PPP4R3B: variants seen among roughly 807,000 people sequenced by gnomAD.
PPP4R3B encodes the protein serine/threonine-protein phosphatase 4 regulatory subunit 3B.
A neutral mutation model predicts 95.4 loss-of-function variants in PPP4R3B; 52 were observed. That is an observed-to-expected ratio of 0.54 (90% CI 0.44 to 0.69). The LOEUF (loss-of-function observed/expected upper bound fraction) is 0.69. Among genes scored for constraint, PPP4R3B ranks in the 30% least tolerant of loss-of-function variants. The probability of loss-of-function intolerance (pLI) is 0.00; values close to 1 mark genes in which losing one functional copy is unlikely to be tolerated. For synonymous variants in PPP4R3B, 407 were observed against 343.9 expected (o/e 1.18, Z -2.03); for missense variants, 1,003 against 1,005.9 (o/e 1.00, Z 0.04).
At chr2:55,581,786 G>A in intron 7 of PPP4R3B, 88 bp from the exon 8 acceptor site, 1 of 1,408,628 alleles carries the variant, frequency 7.1e-7, no homozygotes, top group Non-Finnish European at 9.5e-7. Flanking sequence ...AGAGCAAAGT[G>A]AGAATTATAT....
chr2:55,566,074 A>AT (rs974044360), intron 13 of PPP4R3B, among the ~76,000 whole-genome samples: 3 of 152,166 alleles, frequency 2.0e-5, no homozygotes, highest in Non-Finnish European at 4.4e-5. Flanking sequence ...CAGTAGGCTT[A>AT]TTTTAAAAAA....
At chr2:55,594,705 CTCCTAAGATTATTAAA>C in intron 4 of PPP4R3B, among the ~76,000 whole-genome samples, 1 of 152,284 alleles carries the variant, frequency 6.6e-6, no homozygotes, top group Middle Eastern at 3.4e-3. Flanking sequence ...TCTGTCCAAT[CTCCTAAGATTATTAAA>C]TGTTTTTCTG....
chr2:55,604,869 C>G (rs918529416), intron 2 of PPP4R3B, among the ~76,000 whole-genome samples: 1 of 152,028 alleles, frequency 6.6e-6, no homozygotes, highest in Admixed American at 6.6e-5. Context: ...GAGACAGGGT[C>G]TTGCTCTGTG....
Position 55,564,319 on chromosome 2 carries a change from T to C in PPP4R3B, c.2254A>G (p.Lys752Glu). The C allele has an allele frequency of 1.2e-6, 2 of 1,610,876 alleles. No homozygotes were observed. Among genetic ancestry groups the C allele is most frequent in the South Asian group, 1.1e-5 (1 of 90,360 alleles). ...PDNYEKFMET[K>E]KAKESEDKEN... ...AAATTCCGAATTTTAATACCTTTTT[T>C]AGTCTCCATAAACTTTTCATAATTA... The change falls in exon 15 of 17, where the codon AAA becomes GAA. Residue 752 changes from lysine to glutamate, a missense_variant. Transcript: ENST00000616407.
intron 12 of PPP4R3B, among the ~76,000 whole-genome samples, chr2:55,571,254 G>A (rs1191995608): frequency 1.3e-5 from 2 of 151,904 alleles, no homozygotes; most frequent in Non-Finnish European, 1.5e-5. Context: ...AAGCTGCAGT[G>A]AGCTGAGACT....
intron 15 of PPP4R3B, among the ~76,000 whole-genome samples, chr2:55,562,469 ACT>A (rs1686757339): frequency 6.6e-6 from 1 of 151,706 alleles, no homozygotes; most frequent in African/African-American, 2.4e-5. Flanking sequence ...CCTCCTTCAC[ACT>A]CTCTGTCTCC....
chr2:55,615,945 A>G (rs1429448464), intron 1 of PPP4R3B, among the ~76,000 whole-genome samples: 1 of 132,646 alleles, frequency 7.5e-6, no homozygotes, highest in African/African-American at 2.9e-5. Context: ...CGAGTTGGAC[A>G]TCTTAATAAA....
chr2:55,587,102 A>G (rs1486906182), intron 5 of PPP4R3B, among the ~76,000 whole-genome samples: 1 of 152,170 alleles, frequency 6.6e-6, no homozygotes, highest in African/African-American at 2.4e-5. Flanking sequence ...CCTTACTCCA[A>G]TGGGACCTTA....
chr2:55,573,794 T>A lies in PPP4R3B; in HGVS notation c.1607-17A>T, dbSNP rs1369417570. 8.2e-6 allele frequency: 12 copies of A among 1,456,748 alleles called. No homozygotes were observed. The highest frequency in any genetic ancestry group is 5.8e-5 in the Admixed American group (2 of 34,288). The allele number at this position is 1,456,748 out of a possible 1,614,324, so 90.2% of individuals were successfully genotyped here. A position where few individuals can be genotyped will look rare whatever the true frequency, so the allele number is the denominator to read the frequency against. ...GATAATTATCTACAAAAGAAAGTAA[T>A]CTCATGAAAATAAATATTGAATATA... On this transcript the variant is annotated splice_polypyrimidine_tract_variant and intron_variant, in intron 11 of 16. Transcript: ENST00000616407.
intron 11 of PPP4R3B, among the ~76,000 whole-genome samples, chr2:55,575,787 G>A (rs988109153): frequency 2.0e-5 from 3 of 151,904 alleles, no homozygotes; most frequent in African/African-American, 4.8e-5. Flanking sequence ...ACAGGCTTAC[G>A]GAATTTTTAA....
chr2:55,615,180 G>A, intron 2 of PPP4R3B: 1 of 364,980 alleles, frequency 2.7e-6, no homozygotes, highest in Non-Finnish European at 5.0e-6. Flanking sequence ...CATGTACAAG[G>A]TATAGAAGAG....
chr2:55,549,702 G>A lies in PPP4R3B; in HGVS notation c.*209C>T. On this transcript the variant is annotated 3_prime_UTR_variant, in exon 17 of 17. Coordinates refer to ENST00000616407, the MANE Select transcript of PPP4R3B (RefSeq NM_001122964.3). Reference sequence around the variant, plus strand: ...TAATGTTTGTTTTGACAGCCTAAAAGGCAAACCCCTTAATTACTAGCAAGC... The same window carrying A: ...TAATGTTTGTTTTGACAGCCTAAAAAGCAAACCCCTTAATTACTAGCAAGC... The A allele has an allele frequency of 1.9e-6, 1 of 525,032 alleles. No individual in the cohort carries two copies. The highest frequency in any genetic ancestry group is 3.3e-6 in the Non-Finnish European group (1 of 300,688). The allele number at this position is 525,032 out of a possible 1,614,324, so 32.5% of individuals were successfully genotyped here.
chr2:55,615,586 G>A, intron 1 of PPP4R3B, 80 bp from the exon 2 acceptor site: 10 of 991,316 alleles, frequency 1.0e-5, no homozygotes, highest in Admixed American at 2.4e-5. Flanking sequence ...TTAAAGCCGG[G>A]CGCAGTGGCT....
intron 16 of PPP4R3B, among the ~76,000 whole-genome samples, chr2:55,554,676 T>G (rs963356727): frequency 2.0e-4 from 30 of 152,216 alleles, no homozygotes; most frequent in Non-Finnish European, 2.9e-5. Context: ...TTACAAATAT[T>G]TCCTCCCATT....
intron 6 of PPP4R3B, among the ~76,000 whole-genome samples, chr2:55,585,841 G>A (rs917317726): frequency 6.6e-6 from 1 of 152,174 alleles, no homozygotes; most frequent in African/African-American, 2.4e-5. Flanking sequence ...TTTTCAGGAA[G>A]TATACAAGAT....
At chr2:55,566,965 T>C (rs1472420063) in intron 13 of PPP4R3B, among the ~76,000 whole-genome samples, 1 of 152,184 alleles carries the variant, frequency 6.6e-6, no homozygotes, top group African/African-American at 2.4e-5. Context: ...TGTGATTACA[T>C]TATTGTACTC....
chr2:55,610,085 G>C (rs1693962189), intron 2 of PPP4R3B, among the ~76,000 whole-genome samples: 1 of 152,094 alleles, frequency 6.6e-6, no homozygotes, highest in East Asian at 1.9e-4. Context: ...TTCCTGGCCA[G>C]ACTCAAAAAC....
chr2:55,583,980 T>C, intron 7 of PPP4R3B, among the ~76,000 whole-genome samples: 1 of 152,000 alleles, frequency 6.6e-6, no homozygotes, highest in East Asian at 1.9e-4. Flanking sequence ...CCGAGATGGG[T>C]GGATCACCTG....
chr2:55,579,391 C>T (rs1397044270), intron 9 of PPP4R3B, among the ~76,000 whole-genome samples: 2 of 85,156 alleles, frequency 2.3e-5, no homozygotes, highest in African/African-American at 9.5e-5. Context: ...GTGTGTAATA[C>T]TGTTTGCCAC....
Sources: gnomAD v4.1 joint callset for allele counts (sites outside exome capture counted in the v4.1 genomes callset) on GRCh38, gnomAD v4.1.1 for gene constraint, MANE v1.5 for transcripts, NCBI Gene and HGNC (gene_info 2026-07-23, HGNC 2026-07-21) for gene names.